The following GARIN5A variants were observed in gnomAD, a reference collection of about 807,000 sequenced individuals.
GARIN5A encodes golgi associated RAB2 interactor 5A.
the GARIN5A span, chr19:50,476,389 C>A: frequency 1.3e-6 from 2 of 1,554,080 alleles, no homozygotes; most frequent in Non-Finnish European, 8.7e-7. Context: ...GCGGCCCCAT[C>A]CTGCTGACGT....
chr19:50,470,559 T>C, the GARIN5A span, among the ~76,000 whole-genome samples: 3 of 148,544 alleles, frequency 2.0e-5, no homozygotes, highest in African/African-American at 7.4e-5. Context: ...TGAAAGAGTG[T>C]GGTGGCTGTG....
chr19:50,472,155 T>C, the GARIN5A span, among the ~76,000 whole-genome samples: 1 of 150,718 alleles, frequency 6.6e-6, no homozygotes, highest in East Asian at 1.9e-4. Flanking sequence ...TACGTGTGTA[T>C]ATGTATGTAT....
At chr19:50,473,441 C>T in the GARIN5A span, among the ~76,000 whole-genome samples, 2 of 152,068 alleles carry the variant, frequency 1.3e-5, no homozygotes, top group Admixed American at 6.6e-5. Context: ...ACTGCAGCCT[C>T]GAACTCCTGG....
At chr19:50,476,160 C>T in the GARIN5A span, 14 of 1,613,578 alleles carry the variant, frequency 8.7e-6, no homozygotes, top group South Asian at 1.4e-4. Context: ...ACCTCGCCAG[C>T]TCCACCCAGG....
At chr19:50,474,366 G>C in the GARIN5A span, among the ~76,000 whole-genome samples, 10 of 131,964 alleles carry the variant, frequency 7.6e-5, 1 homozygote, top group Non-Finnish European at 9.6e-5. Context: ...TTTTTTTTGA[G>C]ATGGAGTCTC....
chr19:50,471,741 T>A, the GARIN5A span, among the ~76,000 whole-genome samples: 5 of 149,408 alleles, frequency 3.3e-5, no homozygotes, highest in Non-Finnish European at 7.4e-5. Flanking sequence ...CGTGTGTGTA[T>A]ACGCATACAT....
the GARIN5A span, chr19:50,476,171 G>A: frequency 6.2e-7 from 1 of 1,613,634 alleles, no homozygotes; most frequent in African/African-American, 1.3e-5. Flanking sequence ...TCCACCCAGG[G>A]CCGGCTTAGG....
At chr19:50,469,937 G>C in the GARIN5A span, among the ~76,000 whole-genome samples, 253 of 152,300 alleles carry the variant, frequency 1.7e-3, 2 homozygotes, top group Non-Finnish European at 2.8e-3. Flanking sequence ...CATTTGTGGA[G>C]CACTTACTCA....
At chr19:50,475,958 G>A in the GARIN5A span, 2 of 1,609,754 alleles carry the variant, frequency 1.2e-6, no homozygotes, top group Admixed American at 3.3e-5. Flanking sequence ...CATTTTACCA[G>A]GACGAAGTCT....
the GARIN5A span, among the ~76,000 whole-genome samples, chr19:50,472,350 C>T: frequency 1.3e-5 from 2 of 150,338 alleles, no homozygotes; most frequent in African/African-American, 4.9e-5. Flanking sequence ...AGAAACTGCC[C>T]CAGAATAGCT....
the GARIN5A span, among the ~76,000 whole-genome samples, chr19:50,468,343 CAGAG>C: frequency 8.2e-6 from 1 of 121,742 alleles, no homozygotes; most frequent in Non-Finnish European, 1.6e-5. Context: ...GCCTGGGCGA[CAGAG>C]AGAGGGACTG....
chr19:50,472,244 T>A, the GARIN5A span, among the ~76,000 whole-genome samples: 30 of 11,640 alleles, frequency 2.6e-3, no homozygotes, highest in South Asian at 0.086. Flanking sequence ...ATGTGTGTAT[T>A]ATATATACAT....
chr19:50,471,947 T>G, the GARIN5A span, among the ~76,000 whole-genome samples: 1 of 150,570 alleles, frequency 6.6e-6, no homozygotes, highest in African/African-American at 2.5e-5. Flanking sequence ...TGTAAGTATA[T>G]ATACATGTAT....
the GARIN5A span, among the ~76,000 whole-genome samples, chr19:50,470,089 C>T: frequency 3.3e-5 from 5 of 152,166 alleles, no homozygotes; most frequent in African/African-American, 9.7e-5. Flanking sequence ...GATGAAGTAA[C>T]GCCAGGATTT....
the GARIN5A span, among the ~76,000 whole-genome samples, chr19:50,471,757 T>C: frequency 6.4e-5 from 9 of 139,944 alleles, no homozygotes; most frequent in Non-Finnish European, 1.3e-4. Context: ...TACATGCATG[T>C]GTATACGCAT....
the GARIN5A span, chr19:50,476,574 G>T: frequency 6.3e-7 from 1 of 1,575,162 alleles, no homozygotes; most frequent in Admixed American, 1.8e-5. Context: ...GGGCAACCCG[G>T]CTGCTCCTGC....
At chr19:50,471,914 A>G in the GARIN5A span, among the ~76,000 whole-genome samples, 16 of 149,066 alleles carry the variant, frequency 1.1e-4, no homozygotes, top group South Asian at 4.2e-4. Flanking sequence ...GTATGTGTGT[A>G]TATGTGTATA....
At chr19:50,476,010 G>A in the GARIN5A span, 1 of 1,603,674 alleles carries the variant, frequency 6.2e-7, no homozygotes. Context: ...TCCCAACTGA[G>A]AGGGCCCGGC....
At chr19:50,475,928 G>C in the GARIN5A span, 2 of 1,613,460 alleles carry the variant, frequency 1.2e-6, no homozygotes, top group Admixed American at 3.3e-5. Flanking sequence ...CGGCCCGTGG[G>C]AGAGGCTGCA....
Sources: gnomAD v4.1 joint callset for allele counts (sites outside exome capture counted in the v4.1 genomes callset) on GRCh38, gnomAD v4.1.1 for gene constraint, MANE v1.5 for transcripts, NCBI Gene and HGNC (gene_info 2026-07-23, HGNC 2026-07-21) for gene names.